Variants in ARID1B observed in about 807,000 individuals in gnomAD.
The protein encoded by ARID1B is AT-rich interactive domain-containing protein 1B.
ARID1B carries 30 observed loss-of-function variants against 212.3 expected under a neutral mutation model. The ratio of observed to expected loss-of-function variants is 0.14; its 90% CI spans 0.11 to 0.19. ARID1B has a LOEUF of 0.19. Among genes scored for constraint, ARID1B ranks in the 10% least tolerant of loss-of-function variants. The probability of loss-of-function intolerance (pLI) is 1.00; values close to 1 mark genes in which losing one functional copy is unlikely to be tolerated. For synonymous variants in ARID1B, 1,402 were observed against 1,301.7 expected, an observed-to-expected ratio of 1.08 and a Z score of -1.66; for missense variants, 2,891 against 3,204.0, an observed-to-expected ratio of 0.90 and a Z score of 2.36.
intron 6 of ARID1B, among the ~76,000 whole-genome samples, chr6:157,113,991 A>G (rs1787130722): frequency 6.6e-6 from 1 of 152,226 alleles, no homozygotes; most frequent in South Asian, 2.1e-4. Flanking sequence ...GTGCTTTGGC[A>G]CAATAATAGA....
At chr6:157,030,681 T>C (rs770922881) in intron 4 of ARID1B, among the ~76,000 whole-genome samples, 2 of 152,216 alleles carry the variant, frequency 1.3e-5, no homozygotes, top group Non-Finnish European at 2.9e-5. Context: ...AGCATCCTAG[T>C]GGAGGAGATC....
chr6:157,117,903 T>G (rs945579551), intron 6 of ARID1B, among the ~76,000 whole-genome samples: 2 of 152,170 alleles, frequency 1.3e-5, no homozygotes. Flanking sequence ...ACTGCACAGC[T>G]GTACTTACAG....
intron 1 of ARID1B, among the ~76,000 whole-genome samples, chr6:156,812,832 G>C (rs1275486174): frequency 2.1e-5 from 3 of 145,060 alleles, no homozygotes; most frequent in Non-Finnish European, 3.0e-5. Flanking sequence ...ATCCTCAACA[G>C]TTGAGATTAT....
chr6:157,001,585 A>G (rs1048727329), intron 4 of ARID1B, among the ~76,000 whole-genome samples: 1 of 152,244 alleles, frequency 6.6e-6, no homozygotes, highest in African/African-American at 2.4e-5. Context: ...GTTATTGAGC[A>G]TTTAAAATGC....
chr6:156,872,608 G>A (rs1021111092), intron 2 of ARID1B, among the ~76,000 whole-genome samples: 6 of 152,122 alleles, frequency 3.9e-5, no homozygotes, highest in African/African-American at 1.4e-4. Flanking sequence ...CCCAAGGTGC[G>A]AGCCACCACT....
chr6:156,987,466 G>A (rs563054955), intron 4 of ARID1B, among the ~76,000 whole-genome samples: 1 of 152,182 alleles, frequency 6.6e-6, no homozygotes, highest in African/African-American at 2.4e-5. Context: ...AAGTAGCTGA[G>A]ACTACAGGCG....
rs1390022663 is a variant in ARID1B at position 157,189,978 on chromosome 6, G to A, written c.4059-60G>A. 9 of 1,595,428 alleles carry A rather than the reference G, an allele frequency of 5.6e-6. No individual in the cohort carries two copies. In the African/African-American group the frequency reaches 1.2e-4, roughly 22 times the overall value. On this transcript the variant is annotated intron_variant, in intron 14 of 19. Coordinates refer to ENST00000636930, the MANE Select transcript of ARID1B (RefSeq NM_001374828.1). Reference sequence around the variant, plus strand: ...TTCAAGATGGGTTCATCTTCTGAATGTACTGTTTGGAGGTAACTCCTGCTG... The same window carrying A: ...TTCAAGATGGGTTCATCTTCTGAATATACTGTTTGGAGGTAACTCCTGCTG...
Position 157,196,320 on chromosome 6 carries a change from G to T in ARID1B, c.4382+5G>T. ...TGGAGCCAGTTACGACCGAAGGTGA[G>T]TATTTTTTAAGATGACAATATGATG... On this transcript the variant is annotated splice_donor_5th_base_variant and intron_variant, in intron 16 of 19. Coordinates refer to ENST00000636930, the MANE Select transcript of ARID1B (RefSeq NM_001374828.1). 6.3e-7 allele frequency: 1 copy of T among 1,584,038 alleles called. No individual in the cohort carries two copies. Among genetic ancestry groups the T allele is most frequent in the Non-Finnish European group, 8.5e-7 (1 of 1,172,114 alleles).
At chr6:157,041,589 G>A (rs1414940331) in intron 4 of ARID1B, among the ~76,000 whole-genome samples, 2 of 152,138 alleles carry the variant, frequency 1.3e-5, no homozygotes, top group Non-Finnish European at 2.9e-5. Context: ...AAAAAAGCAC[G>A]TTTTTATTTA....
In ARID1B at chr6:156,778,060, C is replaced by T. The variant is rs2114960818; in HGVS notation, c.380C>T (p.Ala127Val). Residue 127 changes from alanine to valine, a missense_variant, in exon 1 of 20, where the codon GCA (alanine) becomes GTA (valine). By Grantham distance (64) the Ala-to-Val change is moderately conservative. Coordinates refer to ENST00000636930, the MANE Select transcript of ARID1B (RefSeq NM_001374828.1). Reference sequence around the variant, plus strand: ...TCCTCCTCCTCCTCCTCCGCGGCGGCAGCGGCGGCATCCTCTTCCTCCTCG... The same window carrying T: ...TCCTCCTCCTCCTCCTCCGCGGCGGTAGCGGCGGCATCCTCTTCCTCCTCG... ...LSSSSSSSAA[A>V]AAASSSSSSG... The T allele has an allele frequency of 2.0e-6, 3 of 1,535,012 alleles. No individual in the cohort carries two copies. The highest frequency in any genetic ancestry group is 1.7e-6 in the Non-Finnish European group (2 of 1,145,800).
intron 3 of ARID1B, among the ~76,000 whole-genome samples, chr6:156,913,635 C>T (rs1289670237): frequency 1.3e-5 from 2 of 152,112 alleles, no homozygotes; most frequent in African/African-American, 2.4e-5. Flanking sequence ...ATCTTCCCAA[C>T]TTCCAGCCCA....
At chr6:156,828,169 A>C (rs941644106) in intron 1 of ARID1B, among the ~76,000 whole-genome samples, 5 of 148,800 alleles carry the variant, frequency 3.4e-5, no homozygotes, top group Admixed American at 2.7e-4. Context: ...GGGTCAAGTG[A>C]TCTTCTTGCC....
At chr6:157,202,483 C>T (rs1181261979) in intron 18 of ARID1B, among the ~76,000 whole-genome samples, 1 of 151,872 alleles carries the variant, frequency 6.6e-6, no homozygotes, top group Non-Finnish European at 1.5e-5. Flanking sequence ...CTCAGGAATT[C>T]GAGACCACCC....
At chr6:157,004,913 T>TG (rs1562542379) in intron 4 of ARID1B, among the ~76,000 whole-genome samples, 35 of 117,950 alleles carry the variant, frequency 3.0e-4, no homozygotes, top group African/African-American at 6.8e-4. Context: ...TTTTTTTTTT[T>TG]TTTTTTTTTT....
intron 13 of ARID1B, among the ~76,000 whole-genome samples, chr6:157,188,116 A>G (rs966146706): frequency 3.9e-5 from 6 of 152,126 alleles, no homozygotes; most frequent in Admixed American, 6.5e-5. Flanking sequence ...ATAAGTGTCA[A>G]TCTTCTCTGT....
At chr6:157,106,092 A>C (rs1477310897) in intron 5 of ARID1B, among the ~76,000 whole-genome samples, 1 of 152,126 alleles carries the variant, frequency 6.6e-6, no homozygotes. Context: ...CCAGCAATAC[A>C]AAAATACATC....
At chr6:157,089,069 C>T (rs974498440) in intron 5 of ARID1B, among the ~76,000 whole-genome samples, 2 of 152,214 alleles carry the variant, frequency 1.3e-5, no homozygotes, top group Admixed American at 1.3e-4. Flanking sequence ...CAGACTGGCT[C>T]TTTCAATCAT....
At position 157,085,410 on chromosome 6, in the gene ARID1B, C is replaced by T. The variant is rs141506928; in HGVS notation, c.2491+505C>T. On this transcript the variant is annotated intron_variant, in intron 5 of 19. Transcript: ENST00000636930. ...CGAGGCGTTCTTACTGATACAAACTCGTGCCTTCTCTTGGACACAAGGAGC... is the reference window on the plus strand; with the variant it reads ...CGAGGCGTTCTTACTGATACAAACTTGTGCCTTCTCTTGGACACAAGGAGC... Among the ~76,000 whole-genome samples, 28 of 152,302 alleles carry T rather than the reference C, an allele frequency of 1.8e-4. No individual in the cohort carries two copies. In the East Asian group the frequency reaches 5.0e-3, roughly 27 times the overall value.
At chr6:156,978,125 G>T (rs1213772637) in intron 4 of ARID1B, among the ~76,000 whole-genome samples, 1 of 152,184 alleles carries the variant, frequency 6.6e-6, no homozygotes, top group African/African-American at 2.4e-5. Flanking sequence ...AATACCAGGA[G>T]CGTTCTTGTT....
Sources: allele counts gnomAD v4.1 joint callset (sites outside exome capture counted in the v4.1 genomes callset), GRCh38; gene constraint gnomAD v4.1.1; transcripts MANE v1.5; gene names NCBI Gene and HGNC (gene_info 2026-07-23, HGNC 2026-07-21).